Variants in KHDC1 observed in about 807,000 individuals in gnomAD.
KHDC1 encodes the protein KH homology domain-containing protein 1.
In KHDC1, 21 loss-of-function variants were observed where a neutral mutation model predicts 24.7. The ratio of observed to expected loss-of-function variants is 0.85; its 90% CI spans 0.60 to 1.23. KHDC1 has a LOEUF of 1.23. Ranked by LOEUF, KHDC1 falls within the 50% of genes most tolerant of loss-of-function variation. The pLI, the probability that KHDC1 is intolerant of heterozygous loss-of-function variation, is 0.00. For synonymous variants in KHDC1, 98 were observed against 111.7 expected (o/e 0.88, Z 0.77); for missense variants, 274 against 298.5 (o/e 0.92, Z 0.61).
rs966955814 is a variant in KHDC1, at chr6:73,265,039, T to C, written c.207-22509A>G. Among the ~76,000 whole-genome samples the C allele has an allele frequency of 2.7e-5, 4 of 149,268 alleles. No individual in the cohort carries two copies. In the East Asian group the frequency reaches 6.1e-4, roughly 23 times the overall value. Reference sequence around the variant, plus strand: ...AGGATAAAAGGAGTCATTCAGCCCTTACTTTTGGTTGGATGCAGGGTGTAG... The same window carrying C: ...AGGATAAAAGGAGTCATTCAGCCCTCACTTTTGGTTGGATGCAGGGTGTAG... On this transcript the variant is annotated intron_variant, in intron 2 of 4. Transcript: ENST00000370384.
chr6:73,293,002 C>T (rs1767684620), intron 1 of KHDC1: 1 of 998,894 alleles, frequency 1.0e-6, no homozygotes, highest in African/African-American at 1.6e-5. Flanking sequence ...TCAGCATTAA[C>T]ATGTTGGCAG....
At chr6:73,265,528 C>CAAAAAAAAA (rs70994179) in intron 2 of KHDC1, among the ~76,000 whole-genome samples, 2 of 74,502 alleles carry the variant, frequency 2.7e-5, no homozygotes, top group African/African-American at 5.1e-5. Context: ...GACTCCGTCT[C>CAAAAAAAAA]AAAAAAAAAA....
intron 2 of KHDC1, among the ~76,000 whole-genome samples, chr6:73,267,291 C>T (rs1767091879): frequency 6.6e-6 from 1 of 152,022 alleles, no homozygotes; most frequent in Admixed American, 6.6e-5. Context: ...ACCAGCCTGG[C>T]CAACATGGCA....
chr6:73,248,021 C>G (rs891769090), intron 2 of KHDC1, among the ~76,000 whole-genome samples: 1 of 152,198 alleles, frequency 6.6e-6, no homozygotes, highest in African/African-American at 2.4e-5. Flanking sequence ...TCACACCTTT[C>G]CTGTTGCAGG....
chr6:73,285,081 G>A (rs1562256169), intron 2 of KHDC1, among the ~76,000 whole-genome samples: 1 of 152,104 alleles, frequency 6.6e-6, no homozygotes, highest in Non-Finnish European at 1.5e-5. Flanking sequence ...CTGACCTCAG[G>A]TGATCTGCCC....
intron 2 of KHDC1, among the ~76,000 whole-genome samples, chr6:73,280,054 A>G (rs1353834752): frequency 6.6e-6 from 1 of 152,192 alleles, no homozygotes; most frequent in Non-Finnish European, 1.5e-5. Flanking sequence ...CTACTTTTAT[A>G]GTTAGAGAAA....
intron 2 of KHDC1, among the ~76,000 whole-genome samples, chr6:73,272,566 G>C (rs940094160): frequency 6.6e-6 from 1 of 151,902 alleles, no homozygotes; most frequent in Admixed American, 6.5e-5. Flanking sequence ...ACTTCAGATC[G>C]GAGTTCCAGA....
chr6:73,279,305 G>C (rs1470930247), intron 2 of KHDC1, among the ~76,000 whole-genome samples: 1 of 152,102 alleles, frequency 6.6e-6, no homozygotes, highest in Non-Finnish European at 1.5e-5. Flanking sequence ...CTACTTGGGA[G>C]CCTGAGGCAG....
At chr6:73,251,343 T>A (rs944659327) in intron 2 of KHDC1, among the ~76,000 whole-genome samples, 1 of 152,204 alleles carries the variant, frequency 6.6e-6, no homozygotes, top group Non-Finnish European at 1.5e-5. Context: ...TATGAGAAAG[T>A]CTGCAGTGAT....
chr6:73,250,908 T>C (rs1485432953), intron 2 of KHDC1, among the ~76,000 whole-genome samples: 1 of 152,172 alleles, frequency 6.6e-6, no homozygotes, highest in Non-Finnish European at 1.5e-5. Flanking sequence ...GGTGCAATCT[T>C]GGCTCACTGC....
In KHDC1 at chr6:73,296,488, T is replaced by C. The variant is rs532682080; in HGVS notation, c.164-4448A>G. 8.6e-4 allele frequency among the ~76,000 whole-genome samples: 131 copies of C among 152,286 alleles called. 1 individual carries two copies. Among genetic ancestry groups the C allele is most frequent in the Non-Finnish European group, 9.7e-4 (66 of 68,022 alleles). ...AACACACACATACACAAATCTAATG[T>C]ATCAGATATCCTTAAATGCTTCTAA... On this transcript the variant is annotated intron_variant, in intron 1 of 4. Coordinates refer to ENST00000370384, the Ensembl canonical transcript of KHDC1.
chr6:73,291,959 A>C (rs1238547043), intron 2 of KHDC1: 2 of 1,608,796 alleles, frequency 1.2e-6, no homozygotes. Context: ...TTTTTTTGGT[A>C]AGATGGCGGG....
chr6:73,265,800 G>A (rs1356853388), intron 2 of KHDC1, among the ~76,000 whole-genome samples: 1 of 152,168 alleles, frequency 6.6e-6, no homozygotes, highest in African/African-American at 2.4e-5. Flanking sequence ...GGAAGTGGAA[G>A]TTTTGGTTGG....
chr6:73,304,201 T>G (rs750617147), intron 1 of KHDC1, among the ~76,000 whole-genome samples: 77 of 152,122 alleles, frequency 5.1e-4, no homozygotes, highest in Non-Finnish European at 1.0e-3. Flanking sequence ...AAAAAAATTG[T>G]TCTACGGTTA....
chr6:73,251,147 C>G (rs1264215910), intron 2 of KHDC1, among the ~76,000 whole-genome samples: 3 of 152,046 alleles, frequency 2.0e-5, no homozygotes, highest in Admixed American at 1.3e-4. Flanking sequence ...AATTTATAAT[C>G]AAAATGTATA....
chr6:73,267,598 G>A (rs1767097060), intron 2 of KHDC1, among the ~76,000 whole-genome samples: 1 of 152,188 alleles, frequency 6.6e-6, no homozygotes, highest in Non-Finnish European at 1.5e-5. Context: ...AGCCACTGTG[G>A]AAAACAGTTT....
At chr6:73,298,422 A>ATTTTTTTTTTTTT (rs1562260419) in intron 1 of KHDC1, among the ~76,000 whole-genome samples, 4 of 115,046 alleles carry the variant, frequency 3.5e-5, no homozygotes, top group Non-Finnish European at 1.6e-5. Flanking sequence ...ATACTTTGCA[A>ATTTTTTTTTTTTT]ATTTTTTTTT....
At chr6:73,277,411 GC>G (rs1293536295) in intron 2 of KHDC1, among the ~76,000 whole-genome samples, 2 of 152,226 alleles carry the variant, frequency 1.3e-5, no homozygotes, top group East Asian at 1.9e-4. Context: ...GTTGCAGTGA[GC>G]CAAGATTGTG....
intron 1 of KHDC1, among the ~76,000 whole-genome samples, chr6:73,305,358 C>A (rs938072846): frequency 2.0e-5 from 3 of 152,056 alleles, no homozygotes; most frequent in African/African-American, 7.2e-5. Context: ...ATTTTGTATT[C>A]ACTACAATCA....
Sources: gnomAD v4.1 joint callset for allele counts (sites outside exome capture counted in the v4.1 genomes callset) on GRCh38, gnomAD v4.1.1 for gene constraint, MANE v1.5 for transcripts, NCBI Gene and HGNC (gene_info 2026-07-23, HGNC 2026-07-21) for gene names.